The following CIT variants were observed in gnomAD, a reference collection of about 807,000 sequenced individuals.
CIT encodes citron Rho-interacting kinase.
A neutral mutation model predicts 272.7 loss-of-function variants in CIT; 79 were observed. The observed-to-expected ratio is 0.29, with a 90% CI of 0.24 to 0.35. The LOEUF (loss-of-function observed/expected upper bound fraction) is 0.35. Among genes scored for constraint, CIT ranks in the 10% least tolerant of loss-of-function variants. The probability of loss-of-function intolerance (pLI) is 1.00; values close to 1 mark genes in which losing one functional copy is unlikely to be tolerated. For synonymous variants in CIT, 948 were observed against 995.6 expected (o/e 0.95, Z 0.90); for missense variants, 1,909 against 2,618.3 (o/e 0.73, Z 5.91).
At position 119,712,926 on chromosome 12, in the gene CIT, G is replaced by A. The variant is rs757529165; in HGVS notation, c.4580-231C>T. 9.9e-5 allele frequency: 57 copies of A among 578,560 alleles called. No homozygotes were observed. The highest frequency in any genetic ancestry group is 2.8e-4 in the African/African-American group (15 of 53,526). The allele number at this position is 578,560 out of a possible 1,614,324, so 35.8% of individuals were successfully genotyped here. ...ACAGTCAAATTTCTGATGACGATGC[G>A]GATTTATGGGTTAGTTGACTGAGGC... On this transcript the variant is annotated intron_variant, in intron 35 of 47. Coordinates refer to ENST00000392521, the MANE Select transcript of CIT (RefSeq NM_001206999.2). The surrounding 1 kb of genome is among the most constrained non-coding windows in gnomAD (Gnocchi z 5.2).
chr12:119,735,222 C>T lies in CIT; in HGVS notation c.3094G>A (p.Glu1032Lys), dbSNP rs746640703. The T allele has an allele frequency of 3.1e-6, 5 of 1,614,204 alleles. No individual in the cohort carries two copies. The highest frequency in any genetic ancestry group is 1.7e-6 in the Non-Finnish European group (2 of 1,180,034). Residue 1032 changes from glutamate (E) to lysine (K), a missense_variant, in exon 25 of 48, where the codon GAA becomes AAA. Glu to Lys is a moderately conservative substitution (Grantham distance 56). Transcript: ENST00000392521. ...ANDEIVQLRS[E>K]VDHLRREITE... is the part of the protein sequence containing the mutation. Reference sequence around the variant, plus strand: ...ATCTCCCGGCGGAGATGGTCCACTTCACTTCGCAGTTGTACAATCTCGTCG... The same window carrying T: ...ATCTCCCGGCGGAGATGGTCCACTTTACTTCGCAGTTGTACAATCTCGTCG...
At chr12:119,832,218 T>G (rs1455817482) in intron 7 of CIT, among the ~76,000 whole-genome samples, 1 of 152,232 alleles carries the variant, frequency 6.6e-6, no homozygotes, top group Admixed American at 6.5e-5. Context: ...ATCTTTTTCC[T>G]AAAGTAGTCT....
At chr12:119,795,757 T>G (rs923887760) in intron 10 of CIT, among the ~76,000 whole-genome samples, 2 of 152,214 alleles carry the variant, frequency 1.3e-5, no homozygotes, top group South Asian at 4.1e-4. Flanking sequence ...TAATCTAATC[T>G]TCCTGAATCA....
At position 119,713,845 on chromosome 12, in the gene CIT, G is replaced by A; in HGVS notation, c.4307-197C>T. The A allele has an allele frequency of 1.6e-6, 1 of 636,168 alleles. No homozygotes were observed. The highest frequency in any genetic ancestry group is 2.7e-6 in the Non-Finnish European group (1 of 366,994). The allele number at this position is 636,168 out of a possible 1,614,324, so 39.4% of individuals were successfully genotyped here. ...GAAAACAAAAGTGCCAAGTGCTCTT[G>A]ACCCAGTTTTCCAGGCTTCAATCCA... On this transcript the variant is annotated intron_variant, in intron 33 of 47. Coordinates refer to ENST00000392521, the MANE Select transcript of CIT (RefSeq NM_001206999.2). The surrounding 1 kb of genome is among the most constrained non-coding windows in gnomAD (Gnocchi z 5.2).
intron 22 of CIT, among the ~76,000 whole-genome samples, chr12:119,756,265 A>G (rs1366217222): frequency 6.6e-6 from 1 of 152,234 alleles, no homozygotes; most frequent in South Asian, 2.1e-4. Context: ...CAAAACGCAC[A>G]AAGTAACAAA....
chr12:119,746,014 A>C (rs1959343944), intron 23 of CIT, among the ~76,000 whole-genome samples: 1 of 152,194 alleles, frequency 6.6e-6, no homozygotes, highest in Admixed American at 6.5e-5. Context: ...TGTTAAGATA[A>C]GAATACTGCT....
intron 28 of CIT, among the ~76,000 whole-genome samples, chr12:119,725,123 A>C (rs1958019850): frequency 6.6e-6 from 1 of 152,024 alleles, no homozygotes; most frequent in Non-Finnish European, 1.5e-5. Context: ...TTCTGGCTCC[A>C]TTTAAAAGTC....
At chr12:119,826,086 A>C (rs1968136482) in intron 7 of CIT, among the ~76,000 whole-genome samples, 1 of 152,104 alleles carries the variant, frequency 6.6e-6, no homozygotes. Context: ...AAAAGAGAAG[A>C]GAACTGGTGG....
chr12:119,753,755 GA>G (rs1251727002), intron 22 of CIT, among the ~76,000 whole-genome samples: 1 of 150,596 alleles, frequency 6.6e-6, no homozygotes, highest in Admixed American at 6.6e-5. Flanking sequence ...AAAAAGAAAA[GA>G]AAAAAAGATG....
intron 24 of CIT, among the ~76,000 whole-genome samples, chr12:119,736,600 A>T (rs557062459): frequency 6.6e-6 from 1 of 152,338 alleles, no homozygotes; most frequent in African/African-American, 2.4e-5. Context: ...CAGCTACAAG[A>T]GGGGGAATAA....
At chr12:119,846,438 T>C (rs1969809156) in intron 5 of CIT, among the ~76,000 whole-genome samples, 1 of 152,154 alleles carries the variant, frequency 6.6e-6, no homozygotes. Flanking sequence ...AAAAGAAATA[T>C]GAGTTTATGG....
At chr12:119,820,756 A>G (rs1967632822) in intron 9 of CIT, among the ~76,000 whole-genome samples, 1 of 152,066 alleles carries the variant, frequency 6.6e-6, no homozygotes, top group African/African-American at 2.4e-5. Flanking sequence ...GGATCACTTG[A>G]GCTCAGGAGT....
chr12:119,817,405 G>A (rs972481850), intron 9 of CIT, among the ~76,000 whole-genome samples: 4 of 151,978 alleles, frequency 2.6e-5, no homozygotes, highest in South Asian at 4.2e-4. Flanking sequence ...CCAGCTACTC[G>A]GGAGGCTGAG....
chr12:119,808,862 G>T (rs1441544124), intron 9 of CIT, among the ~76,000 whole-genome samples: 1 of 152,150 alleles, frequency 6.6e-6, no homozygotes, highest in Non-Finnish European at 1.5e-5. Context: ...AATCTAGAGC[G>T]CTAATGTGAT....
At chr12:119,876,647 C>T (rs1286103956) in intron 1 of CIT, among the ~76,000 whole-genome samples, 1 of 152,166 alleles carries the variant, frequency 6.6e-6, no homozygotes, top group Non-Finnish European at 1.5e-5. Context: ...AATAAGACTT[C>T]ACTGAGAAGC....
intron 23 of CIT, among the ~76,000 whole-genome samples, chr12:119,745,119 G>A (rs962009802): frequency 4.7e-5 from 7 of 149,962 alleles, no homozygotes; most frequent in Non-Finnish European, 8.9e-5. Flanking sequence ...TATTCAACAA[G>A]TAAGTACCAA....
intron 30 of CIT, among the ~76,000 whole-genome samples, chr12:119,719,911 G>A (rs1382299546): frequency 2.0e-5 from 3 of 152,172 alleles, no homozygotes; most frequent in African/African-American, 7.2e-5. Context: ...CCCCTAGTTT[G>A]TAATTTGTCT....
intron 24 of CIT, 93 bp from the exon 25 acceptor site, chr12:119,735,450 C>T: frequency 8.0e-7 from 1 of 1,249,832 alleles, no homozygotes; most frequent in Non-Finnish European, 1.2e-6. Context: ...ACCCACGTGA[C>T]ACTGGCAATC....
intron 40 of CIT, among the ~76,000 whole-genome samples, chr12:119,707,382 A>G (rs1466202906): frequency 6.6e-6 from 1 of 152,208 alleles, no homozygotes; most frequent in Non-Finnish European, 1.5e-5. Context: ...CAATTGTGAA[A>G]GTTGTCAGAA....
Sources: gnomAD v4.1 joint callset for allele counts (sites outside exome capture counted in the v4.1 genomes callset) on GRCh38, gnomAD v4.1.1 for gene constraint, Gnocchi (gnomAD v3.1) non-coding constraint, MANE v1.5 for transcripts, NCBI Gene and HGNC (gene_info 2026-07-23, HGNC 2026-07-21) for gene names.